Variants in MAPK10 observed in about 807,000 individuals in gnomAD.
MAPK10 encodes the protein JNK3 alpha protein kinase.
MAPK10 carries 25 observed loss-of-function variants against 59.3 expected under a neutral mutation model. The observed-to-expected ratio is 0.42, with a 90% CI of 0.31 to 0.59. The LOEUF (loss-of-function observed/expected upper bound fraction) is 0.59. MAPK10 is among the 20% of genes least tolerant of loss of function. The pLI is 0.15. For synonymous variants in MAPK10, 190 were observed against 200.5 expected (o/e 0.95, Z 0.44); for missense variants, 351 against 568.9 (o/e 0.62, Z 3.90).
chr4:86,428,558 G>GGATA lies in MAPK10; in HGVS notation c.-122+24468_-122+24471dup, dbSNP rs547873601. Among the ~76,000 whole-genome samples, 149 of 151,980 alleles carry GGATA rather than the reference G, an allele frequency of 9.8e-4. 1 individual carries two copies. Among genetic ancestry groups the GGATA allele is most frequent in the South Asian group, 8.9e-3 (43 of 4,808 alleles). ...TCTTCTGTTTTGGGAAAACTAAGAT[G>GGATA]GATAGATAGATAGATAGATAGACAG... On this transcript the variant is annotated intron_variant, in intron 1 of 13. Coordinates refer to the MAPK10 transcript ENST00000361569.
chr4:86,170,153 T>C (rs1030240327), intron 3 of MAPK10, among the ~76,000 whole-genome samples: 2 of 150,980 alleles, frequency 1.3e-5, no homozygotes, highest in African/African-American at 4.9e-5. Flanking sequence ...CTGCATCAAC[T>C]AACGAGCAAA....
At chr4:86,019,522 T>A (rs1745245658) in intron 13 of MAPK10, among the ~76,000 whole-genome samples, 1 of 152,190 alleles carries the variant, frequency 6.6e-6, no homozygotes, top group South Asian at 2.1e-4. Context: ...CAGAGCTGGT[T>A]CATTTCCCCT....
chr4:86,453,811 C>CA (rs1228089311), upstream of MAPK10, among the ~76,000 whole-genome samples: 8 of 152,128 alleles, frequency 5.3e-5, no homozygotes, highest in Non-Finnish European at 1.2e-4. Context: ...CCAACCAGCA[C>CA]AAAAATTGTG....
intron 3 of MAPK10, among the ~76,000 whole-genome samples, chr4:86,160,029 T>G (rs920928586): frequency 2.0e-5 from 3 of 152,076 alleles, no homozygotes; most frequent in African/African-American, 7.2e-5. Context: ...ACAAATGCTA[T>G]TGTTCTGAAT....
At chr4:86,098,500 C>A in intron 9 of MAPK10, 24 bp downstream of exon 9, 1 of 1,611,096 alleles carries the variant, frequency 6.2e-7, no homozygotes, top group Non-Finnish European at 8.5e-7. Context: ...ACAGGTAAAG[C>A]TGTAGCAAAA....
chr4:86,010,775 G>A lies in MAPK10; in HGVS notation c.*6453C>T, dbSNP rs1007960144. 1 of 152,210 alleles carries A rather than the reference G, an allele frequency of 6.6e-6. No individual in the cohort carries two copies. The highest frequency in any genetic ancestry group is 2.4e-5 in the African/African-American group (1 of 41,460). 9.4% of individuals were successfully genotyped at this position (152,210 alleles called of 1,614,324 possible). ...TTTTCACCAGGATGGGTTCACAAGT[G>A]TTAATGGAAGGCGAATTATGTGTGG... On this transcript the variant is annotated 3_prime_UTR_variant, in exon 14 of 14. Coordinates refer to ENST00000641462, the MANE Select transcript of MAPK10 (RefSeq NM_138982.4).
intron 4 of MAPK10, among the ~76,000 whole-genome samples, chr4:86,111,038 G>C (rs1290269795): frequency 1.3e-5 from 2 of 151,914 alleles, no homozygotes; most frequent in African/African-American, 4.8e-5. Context: ...TTATCTATTG[G>C]TGTATAGAAA....
chr4:86,590,842 TA>T (rs1762993255), intron 1 of MAPK10, among the ~76,000 whole-genome samples: 1 of 152,182 alleles, frequency 6.6e-6, no homozygotes, highest in Non-Finnish European at 1.5e-5. Context: ...AACTTACTTT[TA>T]AAAGATAATT....
chr4:86,198,679 CATAA>C (rs2081948031), intron 2 of MAPK10, among the ~76,000 whole-genome samples: 1 of 151,280 alleles, frequency 6.6e-6, no homozygotes, highest in African/African-American at 2.4e-5. Flanking sequence ...TGAAATAAGT[CATAA>C]ATAATATATA....
At chr4:86,250,436 C>T (rs866720120) in intron 2 of MAPK10, among the ~76,000 whole-genome samples, 14 of 152,124 alleles carry the variant, frequency 9.2e-5, no homozygotes, top group Non-Finnish European at 1.8e-4. Context: ...TCAAATTAAG[C>T]ATCTCATAAA....
chr4:86,095,240 G>A (rs2054009996), intron 9 of MAPK10: 2 of 151,112 alleles, frequency 1.3e-5, no homozygotes. Flanking sequence ...AAACCCCCAC[G>A]ATGTTTCTCA....
chr4:86,370,827 T>A (rs1404486044), intron 1 of MAPK10: 2 of 152,220 alleles, frequency 1.3e-5, no homozygotes, highest in Non-Finnish European at 2.9e-5. Context: ...TGTTTCTTCA[T>A]CTACAATGTA....
chr4:86,264,113 T>C (rs2148751185), intron 2 of MAPK10, among the ~76,000 whole-genome samples: 1 of 152,352 alleles, frequency 6.6e-6, no homozygotes. Context: ...ATTTTATTAT[T>C]TTATTTCTTG....
chr4:86,124,007 C>G (rs2059678257), intron 4 of MAPK10: 1 of 151,868 alleles, frequency 6.6e-6, no homozygotes, highest in Non-Finnish European at 1.5e-5. Flanking sequence ...CAAAATAAAG[C>G]TATGGAAGGT....
chr4:86,568,200 T>C (rs1190101818), intron 1 of MAPK10, among the ~76,000 whole-genome samples: 1 of 152,034 alleles, frequency 6.6e-6, no homozygotes, highest in Non-Finnish European at 1.5e-5. Flanking sequence ...TTACAATAAC[T>C]ACAAATAAAC....
At chr4:86,565,331 T>C (rs1760984692) in intron 1 of MAPK10, among the ~76,000 whole-genome samples, 1 of 152,320 alleles carries the variant, frequency 6.6e-6, no homozygotes, top group African/African-American at 2.4e-5. Context: ...AATTCCACCA[T>C]TGTATTACTT....
chr4:86,353,462 C>A (rs1383978596), intron 2 of MAPK10, among the ~76,000 whole-genome samples: 1 of 152,048 alleles, frequency 6.6e-6, no homozygotes, highest in African/African-American at 2.4e-5. Context: ...TATAAAATTG[C>A]CCTTATTTTA....
At chr4:86,546,346 G>A (rs1452681633) in intron 1 of MAPK10, among the ~76,000 whole-genome samples, 13 of 151,462 alleles carry the variant, frequency 8.6e-5, no homozygotes, top group Admixed American at 3.9e-4. Context: ...TTAGGAGTTC[G>A]AGACAAGCCT....
intron 3 of MAPK10, among the ~76,000 whole-genome samples, chr4:86,178,764 G>T (rs1205618754): frequency 6.6e-6 from 1 of 152,106 alleles, no homozygotes; most frequent in Non-Finnish European, 1.5e-5. Context: ...CAGATGGCAT[G>T]AACTCATATA....
Sources: allele counts gnomAD v4.1 joint callset (sites outside exome capture counted in the v4.1 genomes callset), GRCh38; gene constraint gnomAD v4.1.1; transcripts MANE v1.5; gene names NCBI Gene and HGNC (gene_info 2026-07-23, HGNC 2026-07-21).